RALYL: variants seen among roughly 807,000 people sequenced by gnomAD.
RALYL encodes RNA-binding Raly-like protein.
In RALYL, 29 loss-of-function variants were observed where a neutral mutation model predicts 35.1. The observed-to-expected ratio is 0.83, with a 90% CI of 0.61 to 1.13. The LOEUF (loss-of-function observed/expected upper bound fraction) is 1.13, where lower values mean the gene tolerates loss of function less well. Ranked by LOEUF, RALYL falls within the 50% of genes most tolerant of loss-of-function variation. The pLI, the probability that RALYL is intolerant of heterozygous loss-of-function variation, is 0.00. For synonymous variants in RALYL, 120 were observed against 127.6 expected, an observed-to-expected ratio of 0.94 and a Z score of 0.40; for missense variants, 359 against 360.4, an observed-to-expected ratio of 1.00 and a Z score of 0.03.
chr8:84,207,359 A>G (rs577257247), intron 1 of RALYL, among the ~76,000 whole-genome samples: 9 of 152,158 alleles, frequency 5.9e-5, no homozygotes, highest in Middle Eastern at 3.4e-3. Flanking sequence ...ATACATTGTT[A>G]TATATCAATG....
chr8:84,240,570 C>T (rs1233511563), intron 1 of RALYL, among the ~76,000 whole-genome samples: 1 of 152,032 alleles, frequency 6.6e-6, no homozygotes, highest in Non-Finnish European at 1.5e-5. Context: ...AATTCATTTC[C>T]ACATGAATAA....
At chr8:84,773,924 A>T (rs1217758842) in intron 2 of RALYL, among the ~76,000 whole-genome samples, 1 of 152,198 alleles carries the variant, frequency 6.6e-6, no homozygotes, top group Non-Finnish European at 1.5e-5. Flanking sequence ...TTTTTGTTTC[A>T]TGAAGCATTT....
chr8:84,718,938 A>G (rs1843388368), intron 2 of RALYL, among the ~76,000 whole-genome samples: 1 of 151,880 alleles, frequency 6.6e-6, no homozygotes, highest in Non-Finnish European at 1.5e-5. Flanking sequence ...TCTCTGAAGC[A>G]CTCTTTCCAT....
chr8:84,529,410 C>T lies in RALYL; in HGVS notation c.89C>T (p.Thr30Met), dbSNP rs759722399. The change falls in exon 2 of 9, where the codon ACG (threonine) becomes ATG (methionine). Residue 30 changes from threonine (T) to methionine (M), a missense_variant. Physicochemically the swap from Thr to Met is moderately conservative, Grantham distance 81. Coordinates refer to ENST00000521268, the MANE Select transcript of RALYL (RefSeq NM_173848.7). ...NSRVFIGNLN[T>M]AIVKKVDIEA... ...CGTGTTTTCATCGGCAATCTAAATA[C>T]GGCAATTGTCAAGAAAGTTGACATT... is the stretch of plus-strand genomic sequence containing the variant. 2.5e-6 allele frequency: 4 copies of T among 1,612,742 alleles called. No homozygotes were observed. Among genetic ancestry groups the T allele is most frequent in the African/African-American group, 1.3e-5 (1 of 75,006 alleles).
intron 1 of RALYL, among the ~76,000 whole-genome samples, chr8:84,293,796 T>C (rs1054182619): frequency 3.9e-5 from 6 of 152,126 alleles, no homozygotes; most frequent in Non-Finnish European, 7.4e-5. Context: ...TCTCCTCACC[T>C]TTTAGGATAA....
chr8:84,529,075 G>T (rs965236496), intron 1 of RALYL, among the ~76,000 whole-genome samples: 3 of 152,010 alleles, frequency 2.0e-5, no homozygotes, highest in Non-Finnish European at 2.9e-5. Flanking sequence ...CTTTATAACT[G>T]AATGTTAAGT....
chr8:84,875,160 T>C (rs1840905956), intron 7 of RALYL, among the ~76,000 whole-genome samples: 1 of 152,026 alleles, frequency 6.6e-6, no homozygotes, highest in Non-Finnish European at 1.5e-5. Context: ...TTACTGTAAC[T>C]GAAATATTCT....
chr8:84,646,609 A>C (rs1434751623), intron 2 of RALYL, among the ~76,000 whole-genome samples: 1 of 152,066 alleles, frequency 6.6e-6, no homozygotes, highest in African/African-American at 2.4e-5. Flanking sequence ...CTCTTCATAA[A>C]TTGAGAGTGC....
intron 1 of RALYL, among the ~76,000 whole-genome samples, chr8:84,213,348 T>C (rs1819976804): frequency 6.6e-6 from 1 of 151,996 alleles, no homozygotes; most frequent in Non-Finnish European, 1.5e-5. Context: ...CCGAGATCCC[T>C]CAACGCCATT....
At chr8:84,684,010 T>A (rs1836226057) in intron 2 of RALYL, among the ~76,000 whole-genome samples, 1 of 152,118 alleles carries the variant, frequency 6.6e-6, no homozygotes, top group Admixed American at 6.6e-5. Flanking sequence ...GTAGCTGGTA[T>A]GTTTTTGATC....
chr8:84,497,834 G>T (rs1305684962), intron 1 of RALYL, among the ~76,000 whole-genome samples: 2 of 151,230 alleles, frequency 1.3e-5, no homozygotes, highest in Non-Finnish European at 2.9e-5. Context: ...GTAGAGACGG[G>T]GTTTCACCAT....
At chr8:84,325,387 T>A (rs2130541596) in intron 1 of RALYL, among the ~76,000 whole-genome samples, 1 of 152,328 alleles carries the variant, frequency 6.6e-6, no homozygotes, top group African/African-American at 2.4e-5. Flanking sequence ...AATCACTATT[T>A]ATAACTGATA....
rs186751868 is a variant in RALYL at position 84,732,368 on chromosome 8, G to A, written c.257-42211G>A. ...AAATGCATGGACTTGGGTAATTTTCGTAAGCTCCACAAGCTTCTCTTTTTC... is the reference window on the plus strand; with the variant it reads ...AAATGCATGGACTTGGGTAATTTTCATAAGCTCCACAAGCTTCTCTTTTTC... On this transcript the variant is annotated intron_variant, in intron 2 of 8. Transcript: ENST00000521268. Among the ~76,000 whole-genome samples the A allele has an allele frequency of 1.3e-3, 200 of 151,974 alleles. 1 individual carries two copies. The highest frequency in any genetic ancestry group is 2.0e-3 in the Non-Finnish European group (133 of 67,968).
chr8:84,538,526 A>G (rs1408124138), intron 2 of RALYL, among the ~76,000 whole-genome samples: 2 of 152,176 alleles, frequency 1.3e-5, no homozygotes. Flanking sequence ...GCTTGCCAAC[A>G]TATATGTTAA....
At chr8:84,623,902 A>T (rs2131131307) in intron 2 of RALYL, among the ~76,000 whole-genome samples, 1 of 152,294 alleles carries the variant, frequency 6.6e-6, no homozygotes, top group East Asian at 1.9e-4. Flanking sequence ...TGAACGTGGA[A>T]AGTCTGACCA....
rs183961580 is a variant in RALYL, at chr8:84,573,891, G to A, written c.256+44314G>A. On this transcript the variant is annotated intron_variant, in intron 2 of 8. Coordinates refer to ENST00000521268, the MANE Select transcript of RALYL (RefSeq NM_173848.7). ...TTATATACTTTTCATTTCTCTCTTC[G>A]TTATTTTTATGCTTTTCTTTTAATT... is the stretch of plus-strand genomic sequence containing the variant. 8.3e-4 allele frequency among the ~76,000 whole-genome samples: 125 copies of A among 151,492 alleles called. No individual in the cohort carries two copies. In the East Asian group the frequency reaches 0.01, roughly 12 times the overall value.
rs76559037 is a variant in RALYL at position 84,516,151 on chromosome 8, T to C, written c.-23-13148T>C. On this transcript the variant is annotated intron_variant, in intron 1 of 8. Transcript: ENST00000521268. ...GTTTCCAGTCATACATTTTAGATGGTTGTAAACACATTTAATGAACTCAGC... is the reference window on the plus strand; with the variant it reads ...GTTTCCAGTCATACATTTTAGATGGCTGTAAACACATTTAATGAACTCAGC... Among the ~76,000 whole-genome samples the C allele has an allele frequency of 1.6e-3, 250 of 152,236 alleles. 3 individuals are homozygous for C. In the East Asian group the frequency reaches 0.048, roughly 29 times the overall value.
At chr8:84,272,802 C>T (rs1000586953) in intron 1 of RALYL, among the ~76,000 whole-genome samples, 3 of 152,076 alleles carry the variant, frequency 2.0e-5, no homozygotes, top group African/African-American at 4.8e-5. Flanking sequence ...ACAACTAGGG[C>T]AGTTAATTAG....
intron 2 of RALYL, among the ~76,000 whole-genome samples, chr8:84,630,710 A>G (rs747123612): frequency 1.3e-5 from 2 of 152,076 alleles, no homozygotes; most frequent in African/African-American, 4.8e-5. Context: ...GTTAAATGAC[A>G]GTGGTAATGG....
Sources: gnomAD v4.1 joint callset for allele counts (sites outside exome capture counted in the v4.1 genomes callset) on GRCh38, gnomAD v4.1.1 for gene constraint, MANE v1.5 for transcripts, NCBI Gene and HGNC (gene_info 2026-07-23, HGNC 2026-07-21) for gene names.